Variants in LONP2 observed in about 807,000 individuals in gnomAD.
The protein encoded by LONP2 is lon peptidase 2, peroxisomal, also known as lon protease homolog 2, peroxisomal.
LONP2 carries 60 observed loss-of-function variants against 85.6 expected under a neutral mutation model. That is an observed-to-expected ratio of 0.70 (90% CI 0.57 to 0.87). LONP2 has a LOEUF of 0.87. LONP2 is among the 40% of genes least tolerant of loss of function. LONP2 has a pLI of 0.00. For synonymous variants in LONP2, 395 were observed against 389.7 expected, an observed-to-expected ratio of 1.01 and a Z score of -0.16; for missense variants, 860 against 1,063.5, an observed-to-expected ratio of 0.81 and a Z score of 2.66.
At chr16:48,350,986 G>C (rs190577726) in intron 14 of LONP2, among the ~76,000 whole-genome samples, 1 of 152,264 alleles carries the variant, frequency 6.6e-6, no homozygotes, top group Admixed American at 6.5e-5. Flanking sequence ...TTGTGACTCA[G>C]CCGTGGAGAT....
chr16:48,339,815 A>G (rs112090604), intron 12 of LONP2, among the ~76,000 whole-genome samples: 2 of 152,144 alleles, frequency 1.3e-5, no homozygotes, highest in African/African-American at 4.8e-5. Flanking sequence ...TGAGCTGCAC[A>G]AGAGAGGAGT....
chr16:48,271,739 T>A (rs1972110275), intron 7 of LONP2, among the ~76,000 whole-genome samples: 1 of 152,026 alleles, frequency 6.6e-6, no homozygotes, highest in South Asian at 2.1e-4. Context: ...ATAATAAATT[T>A]TAAAAAAGAC....
intron 8 of LONP2, among the ~76,000 whole-genome samples, chr16:48,293,617 T>C (rs1244491803): frequency 6.6e-6 from 1 of 151,802 alleles, no homozygotes; most frequent in Non-Finnish European, 1.5e-5. Context: ...AGAGGAAGAA[T>C]TGGGGTTACG....
rs1960153154 is a variant in LONP2, at chr16:48,351,638, A to G, written c.2395A>G (p.Ile799Val). ...ACACAGAGCGGGACTGAAGCAAGTC[A>G]TTATTCCTCGGAGAAATGAAAAAGA... is the stretch of plus-strand genomic sequence containing the variant. ...AAHRAGLKQVIIPRRNEKDLE... is the reference protein window; with the variant it reads ...AAHRAGLKQVVIPRRNEKDLE... The change falls in exon 15 of 15, where the codon ATT becomes GTT. Residue 799 changes from isoleucine to valine, a missense_variant. Coordinates refer to ENST00000285737, the MANE Select transcript of LONP2 (RefSeq NM_031490.5). 1.2e-6 allele frequency: 2 copies of G among 1,614,138 alleles called. No individual in the cohort carries two copies. Among genetic ancestry groups the G allele is most frequent in the Non-Finnish European group, 1.7e-6 (2 of 1,180,014 alleles).
chr16:48,357,254 C>T lies in LONP2; in HGVS notation c.*5452C>T, dbSNP rs990505966. 2.6e-5 allele frequency: 4 copies of T among 152,146 alleles called. No individual in the cohort carries two copies. The highest frequency in any genetic ancestry group is 5.9e-5 in the Non-Finnish European group (4 of 68,040). 9.4% of individuals were successfully genotyped at this position (152,146 alleles called of 1,614,324 possible). ...AGTCAACCCAGGCAGTTAGAATCTA[C>T]AACCCACACTGTTTGCCACCAAATC... On this transcript the variant is annotated 3_prime_UTR_variant, in exon 15 of 15. Transcript: ENST00000285737.
chr16:48,266,356 T>G (rs1971990718), intron 6 of LONP2, among the ~76,000 whole-genome samples: 2 of 151,712 alleles, frequency 1.3e-5, no homozygotes, highest in African/African-American at 2.4e-5. Flanking sequence ...TTTATTGAAG[T>G]GTAATTGACG....
chr16:48,335,059 C>G (rs1183434868), intron 12 of LONP2, among the ~76,000 whole-genome samples: 2 of 152,148 alleles, frequency 1.3e-5, no homozygotes, highest in Non-Finnish European at 2.9e-5. Context: ...AGCCAGAGAT[C>G]CCAGCCATAT....
At chr16:48,279,513 G>A (rs1477191639) in intron 8 of LONP2, among the ~76,000 whole-genome samples, 2 of 152,148 alleles carry the variant, frequency 1.3e-5, no homozygotes, top group Non-Finnish European at 2.9e-5. Context: ...GGGTATCACT[G>A]CATTCAGCAT....
chr16:48,277,510 CATACTGGAAGAGT>C (rs768537538), intron 8 of LONP2, 31 bp downstream of exon 8: 3 of 1,606,574 alleles, frequency 1.9e-6, no homozygotes. Flanking sequence ...TGTCTGTCTT[CATACTGGAAGAGT>C]ATGGAGGAGG....
At position 48,301,634 on chromosome 16, in the gene LONP2, C is replaced by CAA. The variant is rs921174127; in HGVS notation, c.1662-1526_1662-1525dup. Among the ~76,000 whole-genome samples, 280 of 138,394 alleles carry CAA rather than the reference C, an allele frequency of 2.0e-3. 1 individual carries two copies. Among genetic ancestry groups the CAA allele is most frequent in the African/African-American group, 7.1e-3 (268 of 37,790 alleles). 90.8% of individuals were successfully genotyped at this position (138,394 alleles called of 152,430 possible). On this transcript the variant is annotated intron_variant, in intron 10 of 14. Coordinates refer to ENST00000285737, the MANE Select transcript of LONP2 (RefSeq NM_031490.5). ...TGGGCAACAGAGTGAGACTCCGTCT[C>CAA]AAAAAAAAAAAAATAGAGATGGGGT...
chr16:48,276,626 A>T (rs921397654), intron 7 of LONP2, among the ~76,000 whole-genome samples: 1 of 152,212 alleles, frequency 6.6e-6, no homozygotes, highest in Non-Finnish European at 1.5e-5. Context: ...CAAATACAAT[A>T]AAGCAGGCTC....
intron 12 of LONP2, chr16:48,334,915 G>A: frequency 2.9e-6 from 1 of 348,464 alleles, no homozygotes; most frequent in Non-Finnish European, 5.8e-6. Context: ...GTACTCACTG[G>A]TGTACTCAGG....
chr16:48,269,975 A>T (rs777903869), intron 6 of LONP2, 41 bp from the exon 7 acceptor site: 11 of 1,564,328 alleles, frequency 7.0e-6, no homozygotes, highest in Non-Finnish European at 9.5e-6. Flanking sequence ...TAACTTAAAA[A>T]TTTTATGTGT....
At chr16:48,302,192 C>T (rs1403352727) in intron 10 of LONP2, among the ~76,000 whole-genome samples, 1 of 151,998 alleles carries the variant, frequency 6.6e-6, no homozygotes, top group East Asian at 1.9e-4. Flanking sequence ...TTTTTAAAGC[C>T]CAAATGTAGA....
intron 11 of LONP2, among the ~76,000 whole-genome samples, chr16:48,310,228 G>A (rs1973001873): frequency 6.6e-6 from 1 of 151,844 alleles, no homozygotes; most frequent in African/African-American, 2.4e-5. Context: ...GCATGTAGTT[G>A]TTGTTTTTTA....
chr16:48,269,898 G>A lies in LONP2; in HGVS notation c.983-118G>A, dbSNP rs1160236605. The A allele has an allele frequency of 9.6e-6, 10 of 1,036,640 alleles. No homozygotes were observed. In the Admixed American group the frequency reaches 2.9e-4, roughly 30 times the overall value. 64.2% of individuals were successfully genotyped at this position (1,036,640 alleles called of 1,614,324 possible). On this transcript the variant is annotated intron_variant, in intron 6 of 14. Transcript: ENST00000285737. ...AGAATCCTCATCTAGAAAGATCCAA[G>A]TCTGTTCTTATCACATCTATTTTCA...
At chr16:48,348,615 C>G (rs1371317090) in intron 14 of LONP2, among the ~76,000 whole-genome samples, 1 of 151,262 alleles carries the variant, frequency 6.6e-6, no homozygotes, top group Non-Finnish European at 1.5e-5. Flanking sequence ...CTGTCTATCT[C>G]CCGAATAGCT....
At chr16:48,276,729 A>G (rs557012745) in intron 7 of LONP2, among the ~76,000 whole-genome samples, 1 of 152,182 alleles carries the variant, frequency 6.6e-6, no homozygotes, top group Non-Finnish European at 1.5e-5. Context: ...GTTCAAAAGG[A>G]CAGAATAATG....
At chr16:48,256,821 C>T in intron 3 of LONP2, 80 bp downstream of exon 3, 11 of 1,379,562 alleles carry the variant, frequency 8.0e-6, no homozygotes, top group South Asian at 1.4e-5. Flanking sequence ...AAGTTTTGAC[C>T]TTCAAGAAAA....
Sources: gnomAD v4.1 joint callset for allele counts (sites outside exome capture counted in the v4.1 genomes callset) on GRCh38, gnomAD v4.1.1 for gene constraint, MANE v1.5 for transcripts, NCBI Gene and HGNC (gene_info 2026-07-23, HGNC 2026-07-21) for gene names.